CLSTN2: variants seen among roughly 807,000 people sequenced by gnomAD.
CLSTN2 encodes calsyntenin-2.
A neutral mutation model predicts 101.2 loss-of-function variants in CLSTN2; 48 were observed. The ratio of observed to expected loss-of-function variants is 0.47; its 90% confidence interval spans 0.38 to 0.60. The LOEUF is 0.60. Among genes scored for constraint, CLSTN2 ranks in the 20% least tolerant of loss-of-function variants. The pLI is 0.00. For missense variants in CLSTN2, 1,160 were observed against 1,238.2 expected, an observed-to-expected ratio of 0.94 and a Z score of 0.95; for synonymous variants, 481 against 463.6, an observed-to-expected ratio of 1.04 and a Z score of -0.48.
intron 8 of CLSTN2, among the ~76,000 whole-genome samples, chr3:140,469,195 GT>G (rs1311597572): frequency 6.6e-6 from 1 of 152,166 alleles, no homozygotes; most frequent in Non-Finnish European, 1.5e-5. Flanking sequence ...TGGGGGTTAG[GT>G]TTTCAAAATA....
At chr3:140,152,772 T>C (rs1179745371) in intron 1 of CLSTN2, among the ~76,000 whole-genome samples, 2 of 152,188 alleles carry the variant, frequency 1.3e-5, no homozygotes, top group African/African-American at 4.8e-5. Flanking sequence ...GCTTTACAGG[T>C]ACTCCCCTTT....
At chr3:140,231,062 T>C (rs2086367412) in intron 2 of CLSTN2, among the ~76,000 whole-genome samples, 1 of 152,184 alleles carries the variant, frequency 6.6e-6, no homozygotes, top group Non-Finnish European at 1.5e-5. Flanking sequence ...CAATGAAACA[T>C]CTTTTATAGA....
At chr3:140,206,528 C>G (rs963260797) in intron 2 of CLSTN2, among the ~76,000 whole-genome samples, 2 of 152,190 alleles carry the variant, frequency 1.3e-5, no homozygotes, top group African/African-American at 2.4e-5. Context: ...CGGCTCTTAT[C>G]AAATATGAGG....
intron 2 of CLSTN2, among the ~76,000 whole-genome samples, chr3:140,199,982 A>G (rs1290676118): frequency 1.3e-5 from 2 of 152,234 alleles, no homozygotes; most frequent in Admixed American, 6.5e-5. Flanking sequence ...GATTCTGACT[A>G]GAGGGCATTA....
intron 1 of CLSTN2, among the ~76,000 whole-genome samples, chr3:140,024,590 C>T (rs1269073126): frequency 6.6e-6 from 1 of 152,352 alleles, no homozygotes; most frequent in Non-Finnish European, 1.5e-5. Flanking sequence ...AGGCTGCAGG[C>T]AGGAGCTGGG....
chr3:140,392,125 G>A (rs1439377631), intron 2 of CLSTN2, among the ~76,000 whole-genome samples: 2 of 151,336 alleles, frequency 1.3e-5, no homozygotes, highest in African/African-American at 4.9e-5. Context: ...TTAATGATAT[G>A]TGCTGTTGAT....
At chr3:140,306,845 C>CTTT (rs892343430) in intron 2 of CLSTN2, among the ~76,000 whole-genome samples, 6 of 114,808 alleles carry the variant, frequency 5.2e-5, no homozygotes, top group East Asian at 5.2e-4. Context: ...CCATTTTTGT[C>CTTT]TTTTTATTAT....
intron 2 of CLSTN2, among the ~76,000 whole-genome samples, chr3:140,402,500 G>A (rs1175265580): frequency 6.6e-6 from 1 of 152,204 alleles, no homozygotes; most frequent in Admixed American, 6.5e-5. Context: ...AAAGCTTGGT[G>A]CCTGGTGCAG....
chr3:140,263,605 A>G (rs1448459164), intron 2 of CLSTN2, among the ~76,000 whole-genome samples: 1 of 152,178 alleles, frequency 6.6e-6, no homozygotes, highest in African/African-American at 2.4e-5. Context: ...ACCAAATATT[A>G]TTTGTACTAC....
At chr3:139,982,305 A>C (rs1935944853) in intron 1 of CLSTN2, among the ~76,000 whole-genome samples, 1 of 152,026 alleles carries the variant, frequency 6.6e-6, no homozygotes. Context: ...TTTTTGGTAC[A>C]AAATTTAAAT....
intron 10 of CLSTN2, among the ~76,000 whole-genome samples, chr3:140,550,098 C>T (rs1271314321): frequency 1.3e-5 from 2 of 151,458 alleles, no homozygotes; most frequent in East Asian, 2.0e-4. Flanking sequence ...TAGAACTAGA[C>T]ACTCCTAGGT....
intron 8 of CLSTN2, chr3:140,507,774 G>T (rs1446286499): frequency 6.6e-6 from 1 of 152,152 alleles, no homozygotes; most frequent in African/African-American, 2.4e-5. Context: ...CTAAGGGAAA[G>T]AGCTATGTCT....
intron 2 of CLSTN2, among the ~76,000 whole-genome samples, chr3:140,246,727 G>C (rs1186547869): frequency 6.6e-6 from 1 of 152,152 alleles, no homozygotes; most frequent in African/African-American, 2.4e-5. Flanking sequence ...AGCAACAGGG[G>C]CATATGTGGG....
At chr3:140,531,964 A>T (rs1387685277) in intron 8 of CLSTN2, among the ~76,000 whole-genome samples, 1 of 152,148 alleles carries the variant, frequency 6.6e-6, no homozygotes. Context: ...CCCTGAGACC[A>T]GGAGTCTTGG....
intron 1 of CLSTN2, among the ~76,000 whole-genome samples, chr3:140,054,495 G>T (rs142253104): frequency 1.0e-3 from 156 of 152,246 alleles, no homozygotes; most frequent in Non-Finnish European, 5.7e-4. Context: ...GGTCAGTAAG[G>T]GGTGGAGATG....
At chr3:140,307,691 A>G (rs980414791) in intron 2 of CLSTN2, among the ~76,000 whole-genome samples, 1 of 152,012 alleles carries the variant, frequency 6.6e-6, no homozygotes, top group African/African-American at 2.4e-5. Context: ...CTTCCTCTTT[A>G]TCTTTTCTCA....
intron 2 of CLSTN2, among the ~76,000 whole-genome samples, chr3:140,282,893 G>A (rs2086861502): frequency 6.6e-6 from 1 of 152,168 alleles, no homozygotes; most frequent in African/African-American, 2.4e-5. Context: ...GCTAAGCTGA[G>A]CAAGGGACTT....
At chr3:139,955,822 G>A (rs192717233) in intron 1 of CLSTN2, among the ~76,000 whole-genome samples, 1 of 152,318 alleles carries the variant, frequency 6.6e-6, no homozygotes, top group African/African-American at 2.4e-5. Context: ...GTTTCTTGGG[G>A]AATCACAGCC....
intron 2 of CLSTN2, among the ~76,000 whole-genome samples, chr3:140,341,095 T>C (rs111481202): frequency 1.2e-3 from 190 of 152,364 alleles, no homozygotes; most frequent in African/African-American, 4.1e-3. Context: ...TTACTCTCCC[T>C]GACCCTTTTC....
Sources: allele counts gnomAD v4.1 joint callset (sites outside exome capture counted in the v4.1 genomes callset), GRCh38; gene constraint gnomAD v4.1.1; transcripts MANE v1.5; gene names NCBI Gene and HGNC (gene_info 2026-07-23, HGNC 2026-07-21).